Variants in RBMS3 observed in about 807,000 individuals in gnomAD.
RBMS3 encodes the protein RNA binding motif single stranded interacting protein 3.
Under a neutral mutation model 66.8 loss-of-function variants are expected in RBMS3, and 27 were observed. That is an observed-to-expected ratio of 0.40 (90% CI 0.30 to 0.56). The LOEUF (loss-of-function observed/expected upper bound fraction) is 0.56, where lower values mean the gene tolerates loss of function less well. Among genes scored for constraint, RBMS3 ranks in the 20% least tolerant of loss-of-function variants. The pLI, the probability that RBMS3 is intolerant of heterozygous loss-of-function variation, is 0.40. For missense variants in RBMS3, 513 were observed against 549.5 expected (o/e 0.93, Z 0.66); for synonymous variants, 188 against 183.0 (o/e 1.03, Z -0.22).
chr3:29,482,463 G>C (rs1398827415), intron 2 of RBMS3, among the ~76,000 whole-genome samples: 1 of 152,038 alleles, frequency 6.6e-6, no homozygotes, highest in Non-Finnish European at 1.5e-5. Context: ...TTCCTCACAA[G>C]ATTTTCACTG....
At chr3:29,623,116 A>T (rs1475539729) in intron 4 of RBMS3, among the ~76,000 whole-genome samples, 1 of 143,670 alleles carries the variant, frequency 7.0e-6, no homozygotes, top group East Asian at 2.3e-4. Context: ...AAAAAAAAAA[A>T]AGGAGTCCCT....
chr3:29,657,072 TCA>T (rs2050351406), intron 4 of RBMS3, among the ~76,000 whole-genome samples: 1 of 152,176 alleles, frequency 6.6e-6, no homozygotes, highest in African/African-American at 2.4e-5. Flanking sequence ...GATTTTTGAC[TCA>T]CATTTCCTAG....
At position 29,575,055 on chromosome 3, in the gene RBMS3, G is replaced by A. The variant is rs78116997; in HGVS notation, c.308-12059G>A. On this transcript the variant is annotated intron_variant, in intron 3 of 14. Transcript: ENST00000383767. ...CACAATTATAGTGTTATACAATTCT[G>A]TGTTTTTCTGCATATTTACTATTAC... Among the ~76,000 whole-genome samples, 1,051 of 152,134 alleles carry A rather than the reference G, an allele frequency of 6.9e-3. 12 individuals are homozygous for A. The highest frequency in any genetic ancestry group is 0.022 in the African/African-American group (899 of 41,530).
intron 1 of RBMS3, among the ~76,000 whole-genome samples, chr3:29,335,623 A>G (rs1175224302): frequency 6.6e-6 from 1 of 152,180 alleles, no homozygotes; most frequent in African/African-American, 2.4e-5. Context: ...TACTTAATGT[A>G]TTTGGTATGT....
At chr3:29,754,671 A>T (rs1413232379) in intron 5 of RBMS3, among the ~76,000 whole-genome samples, 1 of 152,234 alleles carries the variant, frequency 6.6e-6, no homozygotes, top group African/African-American at 2.4e-5. Flanking sequence ...CAAAGCTTGA[A>T]GATGGCCACC....
intron 5 of RBMS3, among the ~76,000 whole-genome samples, chr3:29,747,421 G>GATAC (rs2054966547): frequency 6.6e-6 from 1 of 151,328 alleles, no homozygotes; most frequent in Admixed American, 6.6e-5. Context: ...TAGATAGATA[G>GATAC]ATAGATAGAT....
chr3:29,834,063 A>G (rs1379942001), intron 6 of RBMS3, among the ~76,000 whole-genome samples: 1 of 152,132 alleles, frequency 6.6e-6, no homozygotes, highest in Non-Finnish European at 1.5e-5. Context: ...GAAAAAAATT[A>G]CAAAACAAAA....
intron 14 of RBMS3, among the ~76,000 whole-genome samples, chr3:29,992,526 G>C (rs1381662425): frequency 1.3e-5 from 2 of 152,146 alleles, no homozygotes; most frequent in Non-Finnish European, 2.9e-5. Context: ...GTGAACCCGG[G>C]AGGCGGAGCA....
intron 1 of RBMS3, among the ~76,000 whole-genome samples, chr3:29,308,758 A>AAAAAAAAAAAAC (rs2034183382): frequency 4.5e-5 from 4 of 89,050 alleles, no homozygotes; most frequent in South Asian, 3.6e-4. Context: ...AAAAAAAACA[A>AAAAAAAAAAAAC]AAAAAAAAAC....
chr3:29,745,155 G>A (rs907697446), intron 5 of RBMS3, among the ~76,000 whole-genome samples: 12 of 152,108 alleles, frequency 7.9e-5, no homozygotes, highest in Admixed American at 1.3e-4. Flanking sequence ...CCAGTGGGGC[G>A]CACAGACAGC....
intron 8 of RBMS3, among the ~76,000 whole-genome samples, chr3:29,893,383 C>T (rs1333058154): frequency 2.0e-5 from 3 of 151,484 alleles, no homozygotes; most frequent in African/African-American, 7.3e-5. Flanking sequence ...TAAACTTTGC[C>T]TGTCAATCCA....
At chr3:29,778,284 A>T (rs1475173078) in intron 6 of RBMS3, among the ~76,000 whole-genome samples, 2 of 151,580 alleles carry the variant, frequency 1.3e-5, no homozygotes, top group African/African-American at 4.8e-5. Flanking sequence ...GTCTTTTTGT[A>T]TTTTGTCTGC....
chr3:29,688,157 G>C (rs1005897824), intron 4 of RBMS3, among the ~76,000 whole-genome samples: 1 of 151,960 alleles, frequency 6.6e-6, no homozygotes, highest in Non-Finnish European at 1.5e-5. Flanking sequence ...GCCCTGATTT[G>C]CCTTTTCTTC....
chr3:29,929,877 C>A (rs2061062011), intron 10 of RBMS3, among the ~76,000 whole-genome samples: 2 of 151,812 alleles, frequency 1.3e-5, no homozygotes, highest in Admixed American at 1.3e-4. Context: ...AAAGAGAAAC[C>A]CAGCTCTAGT....
At chr3:29,768,396 G>A (rs116698663) in intron 6 of RBMS3, among the ~76,000 whole-genome samples, 1,794 of 151,988 alleles carry the variant, frequency 0.012, 16 homozygotes, top group African/African-American at 0.016. Context: ...ATAAGACAGA[G>A]AGAAGAGGTG....
At chr3:29,937,756 A>G (rs944978680) in intron 11 of RBMS3, among the ~76,000 whole-genome samples, 52 of 151,978 alleles carry the variant, frequency 3.4e-4, no homozygotes, top group African/African-American at 1.2e-3. Context: ...TCATGGAGAT[A>G]GAGCTTGAAG....
chr3:29,354,195 C>A (rs13065244), intron 1 of RBMS3, among the ~76,000 whole-genome samples: 27,863 of 151,944 alleles, frequency 0.18, 2,709 homozygotes, highest in Admixed American at 0.24. Flanking sequence ...TCTTCAAACT[C>A]TGCAATTAGG....
chr3:29,802,450 G>A (rs932794829), intron 6 of RBMS3, among the ~76,000 whole-genome samples: 4 of 152,108 alleles, frequency 2.6e-5, no homozygotes, highest in African/African-American at 9.7e-5. Flanking sequence ...AAATATGCCC[G>A]ATTATTTGAT....
At chr3:29,425,059 G>A (rs575369586) in intron 1 of RBMS3, among the ~76,000 whole-genome samples, 1 of 151,756 alleles carries the variant, frequency 6.6e-6, no homozygotes, top group East Asian at 1.9e-4. Context: ...AAAAGCTAGG[G>A]GAGGCCAAGC....
Sources: gnomAD v4.1 joint callset for allele counts (sites outside exome capture counted in the v4.1 genomes callset) on GRCh38, gnomAD v4.1.1 for gene constraint, MANE v1.5 for transcripts, NCBI Gene and HGNC (gene_info 2026-07-23, HGNC 2026-07-21) for gene names.